GARIN2: variants seen among roughly 807,000 people sequenced by gnomAD.
GARIN2 encodes golgi associated RAB2 interactor family member 2.
At chr14:67,196,223 C>CTTTTTTTTTTTTTTT in the GARIN2 span, among the ~76,000 whole-genome samples, 20 of 143,134 alleles carry the variant, frequency 1.4e-4, no homozygotes, top group Non-Finnish European at 2.0e-4. Context: ...TTCTTTCTTT[C>CTTTTTTTTTTTTTTT]TTTTTTTTTT....
At chr14:67,191,174 C>T in the GARIN2 span, among the ~76,000 whole-genome samples, 3 of 152,154 alleles carry the variant, frequency 2.0e-5, no homozygotes, top group East Asian at 1.9e-4. Context: ...GTAGAGGTTG[C>T]AGTGAGCCAA....
chr14:67,205,033 G>T, the GARIN2 span: 27 of 1,552,424 alleles, frequency 1.7e-5, no homozygotes, highest in African/African-American at 3.0e-4. Flanking sequence ...AAACTGCTCG[G>T]GAGTCACAGT....
At chr14:67,210,006 C>T in the GARIN2 span, among the ~76,000 whole-genome samples, 2 of 151,966 alleles carry the variant, frequency 1.3e-5, no homozygotes, top group Admixed American at 6.6e-5. Flanking sequence ...ACAAGTTAAG[C>T]AATTACCAGT....
chr14:67,205,058 A>G, the GARIN2 span: 71 of 1,551,456 alleles, frequency 4.6e-5, no homozygotes, highest in Non-Finnish European at 6.0e-5. Context: ...TTTGAAAACA[A>G]TGACTTAATC....
chr14:67,208,487 C>T, the GARIN2 span: 14 of 1,584,562 alleles, frequency 8.8e-6, no homozygotes, highest in South Asian at 1.1e-4. Context: ...AATTCTAAGA[C>T]ATGAAATATT....
the GARIN2 span, among the ~76,000 whole-genome samples, chr14:67,192,931 G>GATATCTAGATAAATATCTCTAT: frequency 7.0e-6 from 1 of 142,796 alleles, no homozygotes; most frequent in Non-Finnish European, 1.5e-5. Flanking sequence ...TGTATATATA[G>GATATCTAGATAAATATCTCTAT]ATATCTAGAT....
the GARIN2 span, among the ~76,000 whole-genome samples, chr14:67,218,504 G>A: frequency 1.3e-5 from 2 of 152,174 alleles, no homozygotes; most frequent in African/African-American, 4.8e-5. Flanking sequence ...CTGCTTGGCA[G>A]CCTGGGGCAT....
the GARIN2 span, among the ~76,000 whole-genome samples, chr14:67,202,134 A>G: frequency 6.6e-6 from 1 of 152,316 alleles, no homozygotes; most frequent in South Asian, 2.1e-4. Flanking sequence ...TGTTAAACAC[A>G]GCCATTATTA....
the GARIN2 span, among the ~76,000 whole-genome samples, chr14:67,204,163 A>G: frequency 6.6e-6 from 1 of 151,832 alleles, no homozygotes; most frequent in African/African-American, 2.4e-5. Flanking sequence ...GAGGCTGGGC[A>G]TGGTGGCTCA....
At chr14:67,193,420 T>G in the GARIN2 span, among the ~76,000 whole-genome samples, 3 of 142,236 alleles carry the variant, frequency 2.1e-5, no homozygotes, top group Middle Eastern at 5.2e-3. Context: ...TATATATCTA[T>G]ATTTATATCT....
At chr14:67,219,222 A>T in the GARIN2 span, among the ~76,000 whole-genome samples, 1 of 152,136 alleles carries the variant, frequency 6.6e-6, no homozygotes, top group African/African-American at 2.4e-5. Flanking sequence ...CTCCTGTTGT[A>T]AGGACTGTAG....
the GARIN2 span, among the ~76,000 whole-genome samples, chr14:67,192,809 T>C: frequency 1.4e-5 from 2 of 147,504 alleles, no homozygotes; most frequent in Non-Finnish European, 3.0e-5. Flanking sequence ...TATATAGATA[T>C]AGATATCTAT....
chr14:67,206,291 G>C, the GARIN2 span, among the ~76,000 whole-genome samples: 48 of 152,278 alleles, frequency 3.2e-4, 1 homozygote, highest in African/African-American at 1.2e-3. Context: ...CTGAGGTCAG[G>C]AGTTGAGACT....
At chr14:67,205,935 G>T in the GARIN2 span, among the ~76,000 whole-genome samples, 8 of 152,176 alleles carry the variant, frequency 5.3e-5, no homozygotes, top group African/African-American at 1.9e-4. Context: ...TGTAATCCCG[G>T]CACTTTGGGA....
the GARIN2 span, among the ~76,000 whole-genome samples, chr14:67,225,581 C>T: frequency 2.0e-5 from 3 of 152,212 alleles, no homozygotes; most frequent in Non-Finnish European, 4.4e-5. Flanking sequence ...CTTTCCCAAC[C>T]TGCTTTTTAG....
chr14:67,225,968 CGCGCGCGTGCGCATGCGCGT>C, the GARIN2 span, among the ~76,000 whole-genome samples: 1 of 78,930 alleles, frequency 1.3e-5, no homozygotes, highest in South Asian at 3.7e-4. Context: ...TGTGTGCGCG[CGCGCGCGTGCGCATGCGCGT>C]GCATGCTCAT....
At chr14:67,223,010 T>C in the GARIN2 span, among the ~76,000 whole-genome samples, 1 of 150,938 alleles carries the variant, frequency 6.6e-6, no homozygotes, top group Non-Finnish European at 1.5e-5. Context: ...TTTTTTTTTT[T>C]TTTTTTTGAG....
the GARIN2 span, among the ~76,000 whole-genome samples, chr14:67,192,132 T>C: frequency 1.3e-5 from 2 of 152,216 alleles, no homozygotes; most frequent in African/African-American, 2.4e-5. Context: ...CCCTGCAACA[T>C]AGCTCTGCAT....
chr14:67,217,070 T>G, the GARIN2 span, among the ~76,000 whole-genome samples: 2 of 152,198 alleles, frequency 1.3e-5, no homozygotes, highest in Non-Finnish European at 2.9e-5. Context: ...AATATTTGCT[T>G]TATAAATCTG....
Sources: allele counts gnomAD v4.1 joint callset (sites outside exome capture counted in the v4.1 genomes callset), GRCh38; gene constraint gnomAD v4.1.1; transcripts MANE v1.5; gene names NCBI Gene and HGNC (gene_info 2026-07-23, HGNC 2026-07-21).